TANC2: variants seen among roughly 807,000 people sequenced by gnomAD.
TANC2 encodes protein TANC2.
A neutral mutation model predicts 210.5 loss-of-function variants in TANC2; 26 were observed. The ratio of observed to expected loss-of-function variants is 0.12; its 90% CI spans 0.09 to 0.17. The LOEUF is 0.17. TANC2 is among the 10% of genes least tolerant of loss of function. The pLI, the probability that TANC2 is intolerant of heterozygous loss-of-function variation, is 1.00. For missense variants in TANC2, 2,129 were observed against 2,608.9 expected, an observed-to-expected ratio of 0.82 and a Z score of 4.01; for synonymous variants, 931 against 967.1, an observed-to-expected ratio of 0.96 and a Z score of 0.69.
intron 2 of TANC2, among the ~76,000 whole-genome samples, chr17:63,014,368 GAC>G (rs1436063935): frequency 6.6e-6 from 1 of 152,100 alleles, no homozygotes; most frequent in East Asian, 1.9e-4. Flanking sequence ...TTCCCTCAGA[GAC>G]AATGTCCACT....
chr17:63,027,179 G>A (rs2034586353), intron 2 of TANC2, among the ~76,000 whole-genome samples: 1 of 152,080 alleles, frequency 6.6e-6, no homozygotes, highest in Admixed American at 6.6e-5. Flanking sequence ...TTTTTTTAAA[G>A]TATTAAGTTA....
intron 14 of TANC2, among the ~76,000 whole-genome samples, chr17:63,372,256 C>T (rs2047291086): frequency 6.6e-6 from 1 of 152,172 alleles, no homozygotes; most frequent in African/African-American, 2.4e-5. Flanking sequence ...CTCCCCTCTG[C>T]CTGAAGTTAC....
rs758291626 is a variant in TANC2 at position 63,351,442 on chromosome 17, A to G, written c.1974+26A>G. 13 of 1,541,850 alleles carry G rather than the reference A, an allele frequency of 8.4e-6. No homozygotes were observed. The African/African-American group carries it at 1.1e-4, about 13-fold the overall frequency. ...GTATGTGTTTGTTTGCTTTTAAACC[A>G]TAAATGATTCCTCTTGGAAAGAGCT... is the stretch of plus-strand genomic sequence containing the variant. On this transcript the variant is annotated intron_variant, in intron 13 of 27. Transcript: ENST00000689528.
chr17:63,423,182 G>T (rs183789370), exon 28 of TANC2: 1 of 152,144 alleles, frequency 6.6e-6, no homozygotes, highest in Admixed American at 6.5e-5. Flanking sequence ...TTTTCTAGGA[G>T]TGTTTATGAG....
chr17:63,292,702 G>A (rs1240460881), intron 9 of TANC2, among the ~76,000 whole-genome samples: 1 of 152,128 alleles, frequency 6.6e-6, no homozygotes, highest in Non-Finnish European at 1.5e-5. Context: ...GTGGGATGGG[G>A]TGATTATGAT....
At chr17:63,214,217 T>G (rs1377250312) in intron 7 of TANC2, among the ~76,000 whole-genome samples, 1 of 152,140 alleles carries the variant, frequency 6.6e-6, no homozygotes, top group African/African-American at 2.4e-5. Flanking sequence ...AATAGAGAAG[T>G]CCAGGGACAG....
intron 1 of TANC2, among the ~76,000 whole-genome samples, chr17:62,972,765 T>A (rs949912069): frequency 1.1e-4 from 17 of 152,228 alleles, no homozygotes; most frequent in Non-Finnish European, 2.4e-4. Context: ...ACTTCTGTCT[T>A]CAAAGTGCTT....
At chr17:63,201,450 C>T (rs1454878509) in intron 7 of TANC2, among the ~76,000 whole-genome samples, 1 of 151,964 alleles carries the variant, frequency 6.6e-6, no homozygotes, top group African/African-American at 2.4e-5. Flanking sequence ...ATAAGACAGC[C>T]CTGTTTTTTA....
In TANC2 at chr17:63,275,142, T is replaced by C. The variant is rs184033607; in HGVS notation, c.1159+7269T>C. Among the ~76,000 whole-genome samples the C allele has an allele frequency of 4.3e-3, 658 of 152,278 alleles. 6 individuals are homozygous for C. Among genetic ancestry groups the C allele is most frequent in the African/African-American group, 0.014 (574 of 41,570 alleles). ...TAAATTAACAACAAATTATTAATAT[T>C]GAGACCCTAACCTGCCTGGTCTTAA... is the stretch of plus-strand genomic sequence containing the variant. On this transcript the variant is annotated intron_variant, in intron 9 of 27. Transcript: ENST00000689528.
chr17:63,312,052 G>A (rs181105794), intron 9 of TANC2, among the ~76,000 whole-genome samples: 1 of 152,134 alleles, frequency 6.6e-6, no homozygotes, highest in African/African-American at 2.4e-5. Context: ...AAAAACCACT[G>A]AATTGTATAT....
intron 7 of TANC2, among the ~76,000 whole-genome samples, chr17:63,234,651 T>C (rs978882211): frequency 3.3e-5 from 5 of 151,542 alleles, no homozygotes; most frequent in African/African-American, 1.2e-4. Flanking sequence ...TTTTTTTTAA[T>C]TTAAATATGA....
intron 21 of TANC2, 113 bp downstream of exon 21, chr17:63,406,390 G>A (rs1033349517): frequency 9.5e-6 from 14 of 1,473,564 alleles, no homozygotes; most frequent in Non-Finnish European, 1.1e-5. Context: ...AATCCAGTTG[G>A]TTGGAAAATG....
intron 6 of TANC2, among the ~76,000 whole-genome samples, chr17:63,199,968 C>T (rs1001881261): frequency 6.6e-6 from 1 of 152,162 alleles, no homozygotes; most frequent in African/African-American, 2.4e-5. Flanking sequence ...TGTATTGTCT[C>T]TGGACAGCTG....
intron 7 of TANC2, among the ~76,000 whole-genome samples, chr17:63,236,420 C>G (rs1598669349): frequency 6.6e-6 from 1 of 151,972 alleles, no homozygotes; most frequent in African/African-American, 2.4e-5. Flanking sequence ...AATAATGTTA[C>G]TAAATATTCT....
intron 9 of TANC2, among the ~76,000 whole-genome samples, chr17:63,302,635 A>ATTTTTTTTTTTT (rs2044758110): frequency 2.1e-5 from 1 of 47,788 alleles, no homozygotes; most frequent in Admixed American, 2.8e-4. Flanking sequence ...TTTGCTTTCC[A>ATTTTTTTTTTTT]TTTGCTTGGT....
chr17:63,061,031 G>A (rs2035978358), intron 2 of TANC2, among the ~76,000 whole-genome samples: 1 of 152,000 alleles, frequency 6.6e-6, no homozygotes, highest in Non-Finnish European at 1.5e-5. Flanking sequence ...GGTGGGCAGT[G>A]TAGCAAGACC....
At chr17:63,216,007 T>C (rs2042017143) in intron 7 of TANC2, among the ~76,000 whole-genome samples, 1 of 152,122 alleles carries the variant, frequency 6.6e-6, no homozygotes, top group Non-Finnish European at 1.5e-5. Context: ...TGCCTTGGCC[T>C]CCCAAAGTGC....
At chr17:63,281,826 G>T (rs377694349) in intron 9 of TANC2, among the ~76,000 whole-genome samples, 15 of 152,192 alleles carry the variant, frequency 9.9e-5, no homozygotes, top group African/African-American at 3.6e-4. Context: ...AAGGAAGGGG[G>T]CCATGTGAAT....
intron 9 of TANC2, among the ~76,000 whole-genome samples, chr17:63,309,287 G>A (rs1484679910): frequency 6.6e-6 from 1 of 152,052 alleles, no homozygotes; most frequent in Non-Finnish European, 1.5e-5. Context: ...GCAAAATGTC[G>A]GTTCTCTAAA....
Sources: allele counts gnomAD v4.1 joint callset (sites outside exome capture counted in the v4.1 genomes callset), GRCh38; gene constraint gnomAD v4.1.1; transcripts MANE v1.5; gene names NCBI Gene and HGNC (gene_info 2026-07-23, HGNC 2026-07-21).